PRCP: variants seen among roughly 807,000 people sequenced by gnomAD.
PRCP encodes prolylcarboxypeptidase.
Under a neutral mutation model 54.2 loss-of-function variants are expected in PRCP, and 46 were observed. The ratio of observed to expected loss-of-function variants is 0.85; its 90% CI spans 0.67 to 1.09. The LOEUF is 1.09. Ranked by LOEUF, PRCP falls within the 50% of genes least tolerant of loss-of-function variation. The pLI is 0.00. For missense variants in PRCP, 613 were observed against 596.8 expected (o/e 1.03, Z -0.28); for synonymous variants, 240 against 212.2 (o/e 1.13, Z -1.14).
chr11:82,900,109 C>CA, intron 1 of PRCP, 126 bp downstream of exon 1: 2 of 1,280,660 alleles, frequency 1.6e-6, no homozygotes, highest in Non-Finnish European at 2.2e-6. Context: ...AGATGTTAGC[C>CA]AAAAACCGAA....
intron 1 of PRCP, among the ~76,000 whole-genome samples, chr11:82,894,724 T>C (rs1423186157): frequency 6.6e-6 from 1 of 152,240 alleles, no homozygotes; most frequent in African/African-American, 2.4e-5. Flanking sequence ...AACCTAAAGT[T>C]AATTTTTATT....
At chr11:82,856,919 C>A (rs7946123) in intron 2 of PRCP, among the ~76,000 whole-genome samples, 2 of 151,172 alleles carry the variant, frequency 1.3e-5, no homozygotes, top group African/African-American at 4.9e-5. Flanking sequence ...GCCTGTAGTC[C>A]CAGCTACTCG....
intron 2 of PRCP, chr11:82,858,226 T>C (rs1034294435): frequency 6.6e-6 from 1 of 152,224 alleles, no homozygotes; most frequent in African/African-American, 2.4e-5. Flanking sequence ...CTATGAACCA[T>C]TATTACTGTA....
upstream of PRCP, chr11:82,900,946 C>A: frequency 2.3e-6 from 1 of 438,792 alleles, no homozygotes; most frequent in Non-Finnish European, 4.6e-6. Context: ...CGCATCATCT[C>A]CTCTAACTAA....
intron 1 of PRCP, 40 bp downstream of exon 1, chr11:82,900,195 C>A (rs150504400): frequency 1.5e-5 from 24 of 1,606,826 alleles, no homozygotes; most frequent in Non-Finnish European, 1.7e-5. Flanking sequence ...GGGTTCCCGG[C>A]GGTTGGGCCT....
chr11:82,867,832 C>T (rs2121200559), intron 1 of PRCP, among the ~76,000 whole-genome samples: 1 of 152,272 alleles, frequency 6.6e-6, no homozygotes, highest in Non-Finnish European at 1.5e-5. Context: ...AGGCGATCCT[C>T]CTTCCTAAGC....
upstream of PRCP, chr11:82,900,462 A>G (rs960816187): frequency 2.6e-6 from 4 of 1,560,266 alleles, no homozygotes; most frequent in Non-Finnish European, 3.5e-6. Flanking sequence ...GCAGAAGCGC[A>G]CAGGCTAAGC....
chr11:82,838,623 G>C (rs774660430), intron 7 of PRCP, 49 bp from the exon 8 acceptor site: 4 of 1,551,184 alleles, frequency 2.6e-6, no homozygotes, highest in Non-Finnish European at 2.6e-6. Flanking sequence ...GAGGCAAAAA[G>C]AGGTTAAATA....
intron 8 of PRCP, chr11:82,837,242 A>G (rs1858550106): frequency 5.9e-6 from 1 of 170,934 alleles, no homozygotes; most frequent in Non-Finnish European, 1.3e-5. Context: ...CTAATCACTA[A>G]TTTTGCAAAT....
At chr11:82,895,893 T>C (rs1410269648) in intron 1 of PRCP, among the ~76,000 whole-genome samples, 3 of 152,160 alleles carry the variant, frequency 2.0e-5, no homozygotes, top group Non-Finnish European at 4.4e-5. Flanking sequence ...TTTAAATAGC[T>C]TAGCCCACTG....
Position 82,824,166 on chromosome 11 carries a change from C to T in PRCP, c.*740G>A, listed in dbSNP as rs191912778. 1.1e-3 allele frequency: 164 copies of T among 152,226 alleles called. No homozygotes were observed. The highest frequency in any genetic ancestry group is 3.5e-3 in the African/African-American group (145 of 41,518). The allele number at this position is 152,226 out of a possible 1,614,324, so 9.4% of individuals were successfully genotyped here. On this transcript the variant is annotated 3_prime_UTR_variant, in exon 9 of 9. Coordinates refer to ENST00000313010, the MANE Select transcript of PRCP (RefSeq NM_005040.4). Reference sequence around the variant, plus strand: ...CAGAATTCAAACAAATTAAAACTGACCTTAGAAACAAAGAGAAATGGAGCA... The same window carrying T: ...CAGAATTCAAACAAATTAAAACTGATCTTAGAAACAAAGAGAAATGGAGCA...
chr11:82,842,769 T>C (rs1325358095), intron 6 of PRCP, among the ~76,000 whole-genome samples: 1 of 152,154 alleles, frequency 6.6e-6, no homozygotes, highest in Non-Finnish European at 1.5e-5. Context: ...AAAATGTCAC[T>C]TAAAATTTTT....
At chr11:82,852,573 G>A (rs1362107686) in intron 3 of PRCP, among the ~76,000 whole-genome samples, 3 of 152,144 alleles carry the variant, frequency 2.0e-5, no homozygotes, top group Non-Finnish European at 1.5e-5. Flanking sequence ...AATAGTACAC[G>A]TGGCAAATTA....
intron 8 of PRCP, among the ~76,000 whole-genome samples, chr11:82,831,868 C>T (rs1157670082): frequency 2.0e-5 from 3 of 152,088 alleles, no homozygotes; most frequent in Non-Finnish European, 4.4e-5. Flanking sequence ...TATCCCTCCC[C>T]AACCCTCACC....
chr11:82,855,905 C>T (rs566956653), intron 2 of PRCP, among the ~76,000 whole-genome samples: 17 of 152,166 alleles, frequency 1.1e-4, no homozygotes, highest in South Asian at 4.2e-4. Flanking sequence ...ACTGTTAGTA[C>T]GATATAAATT....
intron 1 of PRCP, among the ~76,000 whole-genome samples, chr11:82,888,459 GTTTAC>G (rs1010895458): frequency 5.9e-5 from 9 of 152,238 alleles, no homozygotes; most frequent in African/African-American, 2.2e-4. Flanking sequence ...ATCATAAAAA[GTTTAC>G]TTTAACACTC....
intron 8 of PRCP, among the ~76,000 whole-genome samples, chr11:82,835,203 A>T (rs1374701697): frequency 6.6e-6 from 1 of 152,226 alleles, no homozygotes; most frequent in Non-Finnish European, 1.5e-5. Context: ...AGAATTTAAA[A>T]ATTAAAATTA....
At chr11:82,878,957 C>T (rs1249782773) in intron 1 of PRCP, among the ~76,000 whole-genome samples, 1 of 152,186 alleles carries the variant, frequency 6.6e-6, no homozygotes, top group Admixed American at 6.5e-5. Flanking sequence ...TCTCCGGCTA[C>T]CCTTAATATT....
intron 8 of PRCP, chr11:82,829,584 A>G (rs1332116401): frequency 2.6e-5 from 4 of 152,090 alleles, no homozygotes; most frequent in Admixed American, 6.6e-5. Flanking sequence ...TCCCCGGTTT[A>G]CTTTTTTCTC....
Sources: gnomAD v4.1 joint callset for allele counts (sites outside exome capture counted in the v4.1 genomes callset) on GRCh38, gnomAD v4.1.1 for gene constraint, MANE v1.5 for transcripts, NCBI Gene and HGNC (gene_info 2026-07-23, HGNC 2026-07-21) for gene names.